BAALC: variants seen among roughly 807,000 people sequenced by gnomAD.
BAALC encodes BAALC binder of MAP3K1 and KLF4, also known as brain and acute leukemia cytoplasmic protein.
BAALC carries 9 observed loss-of-function variants against 15.5 expected under a neutral mutation model. The ratio of observed to expected loss-of-function variants is 0.58; its 90% CI spans 0.35 to 1.02. The LOEUF (loss-of-function observed/expected upper bound fraction) is 1.02, where lower values mean the gene tolerates loss of function less well. BAALC is among the 50% of genes least tolerant of loss of function. The probability of loss-of-function intolerance (pLI) is 0.02; values close to 1 mark genes in which losing one functional copy is unlikely to be tolerated. For missense variants in BAALC, 201 were observed against 192.4 expected (o/e 1.04, Z -0.27); for synonymous variants, 80 against 74.6 (o/e 1.07, Z -0.37).
chr8:103,164,165 G>T (rs1242612575), intron 1 of BAALC, among the ~76,000 whole-genome samples: 2 of 152,172 alleles, frequency 1.3e-5, no homozygotes, highest in Non-Finnish European at 2.9e-5. Context: ...AGCATTAGGG[G>T]ATAGAGTGCT....
At chr8:103,188,306 C>T (rs1024672609) in intron 1 of BAALC, among the ~76,000 whole-genome samples, 2 of 152,152 alleles carry the variant, frequency 1.3e-5, no homozygotes, top group Non-Finnish European at 2.9e-5. Flanking sequence ...TTTACTAACT[C>T]GGGCCATGCG....
intron 2 of BAALC, chr8:103,213,317 A>C: frequency 2.2e-6 from 1 of 460,862 alleles, no homozygotes; most frequent in Non-Finnish European, 3.9e-6. Flanking sequence ...GTACAGCTTT[A>C]TTCAAGGATC....
chr8:103,169,445 T>C (rs1340505475), intron 1 of BAALC, among the ~76,000 whole-genome samples: 1 of 152,226 alleles, frequency 6.6e-6, no homozygotes, highest in Non-Finnish European at 1.5e-5. Context: ...TAATGTCTGC[T>C]GGTCCTGAAC....
At chr8:103,165,349 T>C (rs1002967267) in intron 1 of BAALC, among the ~76,000 whole-genome samples, 4 of 152,184 alleles carry the variant, frequency 2.6e-5, no homozygotes, top group Non-Finnish European at 4.4e-5. Context: ...TCCTACCAAA[T>C]GCAGTATGGT....
intron 1 of BAALC, among the ~76,000 whole-genome samples, chr8:103,205,211 A>G (rs1308625351): frequency 6.6e-6 from 1 of 152,146 alleles, no homozygotes; most frequent in Non-Finnish European, 1.5e-5. Flanking sequence ...TCTAGCTACC[A>G]TTTTTAATTT....
Position 103,203,928 on chromosome 8 carries a change from G to A in BAALC, c.161-8991G>A, listed in dbSNP as rs1485306030. Among the ~76,000 whole-genome samples the A allele has an allele frequency of 2.7e-4, 41 of 152,132 alleles. 1 individual carries two copies. Among genetic ancestry groups the A allele is most frequent in the Admixed American group, 6.5e-5 (1 of 15,268 alleles). Reference sequence around the variant, plus strand: ...AGTTTTTGTGTGGATACAGGCTTTCGTTTCTCTTGGGTGTATACCCTACAG... The same window carrying A: ...AGTTTTTGTGTGGATACAGGCTTTCATTTCTCTTGGGTGTATACCCTACAG... On this transcript the variant is annotated intron_variant, in intron 1 of 2. Coordinates refer to ENST00000309982, the MANE Select transcript of BAALC (RefSeq NM_024812.3).
intron 1 of BAALC, among the ~76,000 whole-genome samples, chr8:103,160,326 C>T (rs965075547): frequency 3.9e-5 from 6 of 152,070 alleles, no homozygotes; most frequent in Non-Finnish European, 1.5e-5. Flanking sequence ...TTTGGGTATG[C>T]CCTATGTAAA....
chr8:103,180,482 G>A (rs1563645355), intron 1 of BAALC, among the ~76,000 whole-genome samples: 1 of 152,190 alleles, frequency 6.6e-6, no homozygotes, highest in South Asian at 2.1e-4. Flanking sequence ...CACAGGAGCT[G>A]CTTCCAAGAT....
At chr8:103,159,426 A>T (rs1207826414) in intron 1 of BAALC, among the ~76,000 whole-genome samples, 1 of 152,170 alleles carries the variant, frequency 6.6e-6, no homozygotes, top group Non-Finnish European at 1.5e-5. Flanking sequence ...ACTTTTCCCC[A>T]CATCCTTTTT....
chr8:103,174,602 A>C (rs1811567674), intron 1 of BAALC, among the ~76,000 whole-genome samples: 1 of 152,214 alleles, frequency 6.6e-6, no homozygotes, highest in African/African-American at 2.4e-5. Flanking sequence ...GGTAATTCAT[A>C]GATGTTTGGA....
rs568215016 is a variant in BAALC, at chr8:103,145,006, T to C, written c.160+3949T>C. On this transcript the variant is annotated intron_variant, in intron 1 of 2. Transcript: ENST00000309982. ...GAAGTCTGCAAGTAACTTTTCCCAGTTCCAGCCTGGAATCTAGTTCTATCC... is the reference window on the plus strand; with the variant it reads ...GAAGTCTGCAAGTAACTTTTCCCAGCTCCAGCCTGGAATCTAGTTCTATCC... Among the ~76,000 whole-genome samples, 5 of 152,332 alleles carry C rather than the reference T, an allele frequency of 3.3e-5. No homozygotes were observed. In the South Asian group the frequency reaches 1.0e-3, roughly 32 times the overall value.
At chr8:103,165,779 T>C (rs1313446642) in intron 1 of BAALC, 1 of 152,220 alleles carries the variant, frequency 6.6e-6, no homozygotes, top group Non-Finnish European at 1.5e-5. Context: ...TGGGGTCAGA[T>C]TACCCCTGCT....
At position 103,200,704 on chromosome 8, in the gene BAALC, G is replaced by A. The variant is rs767493957; in HGVS notation, c.161-12215G>A. The A allele has an allele frequency of 6.7e-4, 472 of 700,538 alleles. 2 individuals carry two copies. Among genetic ancestry groups the A allele is most frequent in the Middle Eastern group, 2.3e-4 (1 of 4,382 alleles). The allele number at this position is 700,538 out of a possible 1,614,324, so 43.4% of individuals were successfully genotyped here. The stretch of plus-strand genomic sequence containing the variant: ...AGATCAAGGCACCAACAGATTCAGT[G>A]TCTGATGAAGGCTTGTTCTCTGCTT... On this transcript the variant is annotated intron_variant, in intron 1 of 2. Coordinates refer to ENST00000309982, the MANE Select transcript of BAALC (RefSeq NM_024812.3).
chr8:103,173,183 G>A (rs947141816), intron 1 of BAALC, among the ~76,000 whole-genome samples: 2 of 152,044 alleles, frequency 1.3e-5, no homozygotes, highest in African/African-American at 2.4e-5. Context: ...AGCCATCCAC[G>A]GCACTTACTG....
At chr8:103,173,463 T>C (rs1463980539) in intron 1 of BAALC, among the ~76,000 whole-genome samples, 1 of 152,222 alleles carries the variant, frequency 6.6e-6, no homozygotes, top group Non-Finnish European at 1.5e-5. Flanking sequence ...CACCAAATCA[T>C]GGAATCCTAA....
chr8:103,152,539 C>G (rs763219412), intron 1 of BAALC, among the ~76,000 whole-genome samples: 2 of 152,242 alleles, frequency 1.3e-5, no homozygotes, highest in African/African-American at 4.8e-5. Context: ...TTTCTTGACT[C>G]TCTCGCTTCA....
chr8:103,208,919 T>C (rs370654586), intron 1 of BAALC, among the ~76,000 whole-genome samples: 7 of 152,242 alleles, frequency 4.6e-5, no homozygotes, highest in African/African-American at 1.4e-4. Flanking sequence ...ATAGGGAGGA[T>C]TGGGGTCAGG....
At chr8:103,158,527 C>A (rs2129895625) in intron 1 of BAALC, among the ~76,000 whole-genome samples, 1 of 152,260 alleles carries the variant, frequency 6.6e-6, no homozygotes, top group Admixed American at 6.5e-5. Flanking sequence ...ACTACTCTTG[C>A]TTTGGTGCCA....
intron 1 of BAALC, among the ~76,000 whole-genome samples, chr8:103,201,608 C>T (rs563708096): frequency 1.3e-5 from 2 of 152,324 alleles, no homozygotes; most frequent in Admixed American, 6.5e-5. Context: ...CTTCTCCCTC[C>T]AATGAGAATT....
Sources: allele counts gnomAD v4.1 joint callset (sites outside exome capture counted in the v4.1 genomes callset), GRCh38; gene constraint gnomAD v4.1.1; transcripts MANE v1.5; gene names NCBI Gene and HGNC (gene_info 2026-07-23, HGNC 2026-07-21).